The following USP32 variants were observed in gnomAD, a reference collection of about 807,000 sequenced individuals.
USP32 encodes the protein ubiquitin specific peptidase 32, also known as ubiquitin carboxyl-terminal hydrolase 32.
A neutral mutation model predicts 204.8 loss-of-function variants in USP32; 59 were observed. The ratio of observed to expected loss-of-function variants is 0.29; its 90% CI spans 0.23 to 0.36. USP32 has a LOEUF of 0.36. USP32 is among the 10% of genes least tolerant of loss of function. The pLI, the probability that USP32 is intolerant of heterozygous loss-of-function variation, is 1.00. For synonymous variants in USP32, 517 were observed against 678.4 expected, an observed-to-expected ratio of 0.76 and a Z score of 3.70; for missense variants, 1,160 against 1,946.4, an observed-to-expected ratio of 0.60 and a Z score of 7.60.
chr17:60,211,254 T>C, intron 20 of USP32, 122 bp downstream of exon 20: 25 of 1,508,596 alleles, frequency 1.7e-5, no homozygotes, highest in Non-Finnish European at 2.2e-5. Flanking sequence ...GCCTATTTCA[T>C]ATTAAATAGG....
At chr17:60,236,624 G>A (rs535964102) in intron 11 of USP32, among the ~76,000 whole-genome samples, 2 of 152,222 alleles carry the variant, frequency 1.3e-5, no homozygotes, top group South Asian at 2.1e-4. Flanking sequence ...CCTATTTTAA[G>A]TGTACAACTC....
intron 1 of USP32, among the ~76,000 whole-genome samples, chr17:60,407,820 G>A (rs1418416943): frequency 1.3e-5 from 2 of 148,514 alleles, no homozygotes; most frequent in Admixed American, 6.8e-5. Flanking sequence ...GAAACAGGCC[G>A]GGTGCAGTGG....
intron 1 of USP32, among the ~76,000 whole-genome samples, chr17:60,413,867 A>G (rs1252870882): frequency 6.9e-6 from 1 of 145,648 alleles, no homozygotes; most frequent in Non-Finnish European, 1.5e-5. Flanking sequence ...GTCTCAAAAA[A>G]AAAAAAAAGA....
At chr17:60,212,685 G>A (rs1186024274) in intron 18 of USP32, among the ~76,000 whole-genome samples, 1 of 150,934 alleles carries the variant, frequency 6.6e-6, no homozygotes, top group Non-Finnish European at 1.5e-5. Flanking sequence ...AGAAACAATG[G>A]AATTTCTTAT....
rs148882230 is a variant in USP32, at chr17:60,262,191, G to C, written c.990+3221C>G. On this transcript the variant is annotated intron_variant, in intron 9 of 33. Transcript: ENST00000300896. ...TATTTATTTTGTTTTATGTATGTAT[G>C]TATGTATTTATTTATTTGAGACAGA... 5.5e-3 allele frequency among the ~76,000 whole-genome samples: 839 copies of C among 152,080 alleles called. 28 individuals carry two copies. Among genetic ancestry groups the C allele is most frequent in the Admixed American group, 0.045 (682 of 15,246 alleles).
At chr17:60,328,593 A>G (rs1413858331) in intron 2 of USP32, among the ~76,000 whole-genome samples, 1 of 152,262 alleles carries the variant, frequency 6.6e-6, no homozygotes, top group Non-Finnish European at 1.5e-5. Flanking sequence ...TAAAAGAGCT[A>G]TAACATAAAC....
chr17:60,367,359 A>C (rs1392557353), intron 1 of USP32, among the ~76,000 whole-genome samples: 2 of 152,156 alleles, frequency 1.3e-5, no homozygotes, highest in Non-Finnish European at 2.9e-5. Flanking sequence ...ATTCAAAAAC[A>C]ATTGGCAGGG....
chr17:60,336,585 G>A (rs530361682), intron 2 of USP32, among the ~76,000 whole-genome samples: 1 of 143,034 alleles, frequency 7.0e-6, no homozygotes, highest in African/African-American at 2.9e-5. Context: ...GCGTAGTGGC[G>A]GGCGCCTGTA....
At chr17:60,324,660 T>A (rs1055073381) in intron 2 of USP32, among the ~76,000 whole-genome samples, 1 of 152,196 alleles carries the variant, frequency 6.6e-6, no homozygotes, top group Admixed American at 6.5e-5. Context: ...AAAATACATT[T>A]TGAAAAGCAA....
intron 11 of USP32, among the ~76,000 whole-genome samples, chr17:60,238,173 C>A (rs1229909464): frequency 6.6e-6 from 1 of 152,088 alleles, no homozygotes; most frequent in African/African-American, 2.4e-5. Flanking sequence ...TTTTCATGTG[C>A]TTGATGATCA....
intron 2 of USP32, among the ~76,000 whole-genome samples, chr17:60,309,426 C>T (rs2145913767): frequency 6.6e-6 from 1 of 151,886 alleles, no homozygotes; most frequent in East Asian, 1.9e-4. Flanking sequence ...ATGGCAGAAA[C>T]CCCTGTCTCT....
Position 60,392,020 on chromosome 17 carries a change from G to C in USP32, c.-81C>G, listed in dbSNP as rs2089847343. On this transcript the variant is annotated 5_prime_UTR_variant, in exon 1 of 34. Transcript: ENST00000300896. ...CCCGCCTTCTCCTCGGCGTCCCTGG[G>C]TGACGGTGACGGTGTCGGCGTCCCC... 20 of 1,474,102 alleles carry C rather than the reference G, an allele frequency of 1.4e-5. No homozygotes were observed. Among genetic ancestry groups the C allele is most frequent in the Non-Finnish European group, 1.8e-5 (20 of 1,087,780 alleles). 91.3% of individuals were successfully genotyped at this position (1,474,102 alleles called of 1,614,324 possible).
chr17:60,346,526 T>C (rs2088789438), intron 1 of USP32, among the ~76,000 whole-genome samples: 1 of 152,216 alleles, frequency 6.6e-6, no homozygotes, highest in South Asian at 2.1e-4. Context: ...AAACAGATGA[T>C]ATTAACAAAC....
chr17:60,313,382 T>C (rs564665997), intron 2 of USP32, among the ~76,000 whole-genome samples: 41 of 152,274 alleles, frequency 2.7e-4, no homozygotes, highest in Middle Eastern at 3.4e-3. Flanking sequence ...CAGAGTCCAA[T>C]AGAACAAAAT....
At chr17:60,313,205 C>T (rs930310321) in intron 2 of USP32, among the ~76,000 whole-genome samples, 37 of 139,694 alleles carry the variant, frequency 2.6e-4, no homozygotes, top group African/African-American at 1.1e-3. Flanking sequence ...GAGCCAAGAT[C>T]GCACCACTGC....
chr17:60,255,254 C>T lies in USP32; in HGVS notation c.995G>A (p.Gly332Asp), dbSNP rs756029355. ...ILNAHDTTKM[G>D]HLTLEDYQIW... is the part of the protein sequence containing the mutation. Reference sequence around the variant, plus strand: ...CTGATAGTCTTCCAGAGTAAGATGACCCATCTGAAACAGAGACACTCATGT... The same window carrying T: ...CTGATAGTCTTCCAGAGTAAGATGATCCATCTGAAACAGAGACACTCATGT... The change falls in exon 10 of 34, where the codon GGT becomes GAT. Residue 332 changes from glycine to aspartate, a missense_variant. Around this residue, in one of 8 missense-constraint regions of USP32, gnomAD observed 536 missense variants for 680.9 expected, o/e 0.79. Transcript: ENST00000300896. The T allele has an allele frequency of 9.3e-6, 15 of 1,604,840 alleles. No individual in the cohort carries two copies. Among genetic ancestry groups the T allele is most frequent in the Non-Finnish European group, 1.3e-5 (15 of 1,176,922 alleles).
intron 27 of USP32, among the ~76,000 whole-genome samples, chr17:60,196,361 C>T (rs2084517594): frequency 1.3e-5 from 2 of 152,050 alleles, no homozygotes; most frequent in Admixed American, 6.6e-5. Context: ...GAAAAGCCCT[C>T]GTCTAGAAGC....
At chr17:60,389,739 GGGC>G (rs1310083500) in intron 1 of USP32, among the ~76,000 whole-genome samples, 1 of 151,552 alleles carries the variant, frequency 6.6e-6, no homozygotes, top group Non-Finnish European at 1.5e-5. Flanking sequence ...CATGCCGGCC[GGGC>G]GCGGTGGCTC....
chr17:60,223,724 A>G, intron 13 of USP32, 138 bp from the exon 14 acceptor site: 1 of 677,188 alleles, frequency 1.5e-6, no homozygotes. Context: ...GTAATTCTGT[A>G]GAAGACAGGA....
Sources: allele counts gnomAD v4.1 joint callset (sites outside exome capture counted in the v4.1 genomes callset), GRCh38; gene constraint gnomAD v4.1.1; regional missense constraint gnomAD v4.1.1; transcripts MANE v1.5; gene names NCBI Gene and HGNC (gene_info 2026-07-23, HGNC 2026-07-21).